The following SLC8A3 variants were observed in gnomAD, a reference collection of about 807,000 sequenced individuals.
SLC8A3 encodes the protein solute carrier family 8 member A3, also known as sodium/calcium exchanger 3.
In SLC8A3, 37 loss-of-function variants were observed where a neutral mutation model predicts 65.4. That is an observed-to-expected ratio of 0.57 (90% CI 0.44 to 0.74). SLC8A3 has a LOEUF of 0.74. Among genes scored for constraint, SLC8A3 ranks in the 30% least tolerant of loss-of-function variants. The pLI, the probability that SLC8A3 is intolerant of heterozygous loss-of-function variation, is 0.00. For missense variants in SLC8A3, 1,112 were observed against 1,172.1 expected, an observed-to-expected ratio of 0.95 and a Z score of 0.75; for synonymous variants, 461 against 444.5, an observed-to-expected ratio of 1.04 and a Z score of -0.47.
chr14:70,124,613 A>G (rs888537715), intron 2 of SLC8A3, among the ~76,000 whole-genome samples: 2 of 152,254 alleles, frequency 1.3e-5, no homozygotes, highest in Non-Finnish European at 2.9e-5. Context: ...TTGATTGCCT[A>G]TGCAATGAAG....
At chr14:70,109,886 T>C (rs987024451) in intron 2 of SLC8A3, among the ~76,000 whole-genome samples, 1 of 152,240 alleles carries the variant, frequency 6.6e-6, no homozygotes, top group South Asian at 2.1e-4. Flanking sequence ...ACTATACTTT[T>C]TGACAATTGT....
chr14:70,069,686 C>T (rs781175664), intron 2 of SLC8A3, among the ~76,000 whole-genome samples: 7 of 152,174 alleles, frequency 4.6e-5, no homozygotes, highest in Non-Finnish European at 7.3e-5. Context: ...TCACCAACAA[C>T]CCAACACTGA....
At chr14:70,087,580 C>T (rs1891523369) in intron 2 of SLC8A3, among the ~76,000 whole-genome samples, 1 of 152,146 alleles carries the variant, frequency 6.6e-6, no homozygotes, top group Non-Finnish European at 1.5e-5. Context: ...TAAGCAGTTA[C>T]TCTCCAACAA....
intron 2 of SLC8A3, among the ~76,000 whole-genome samples, chr14:70,149,767 C>G (rs886231272): frequency 4.6e-5 from 7 of 152,172 alleles, no homozygotes; most frequent in African/African-American, 1.7e-4. Context: ...CTTCTTCCTC[C>G]CACTTCTTTT....
intron 2 of SLC8A3, among the ~76,000 whole-genome samples, chr14:70,076,621 C>T (rs1021591264): frequency 2.6e-5 from 4 of 152,138 alleles, no homozygotes; most frequent in African/African-American, 4.8e-5. Flanking sequence ...TACTCCCTCC[C>T]GAGCACTATT....
Position 70,167,441 on chromosome 14 carries a change from G to C in SLC8A3, c.982C>G (p.Pro328Ala). The C allele has an allele frequency of 6.2e-7, 1 of 1,614,094 alleles. No homozygotes were observed. Among genetic ancestry groups the C allele is most frequent in the Non-Finnish European group, 8.5e-7 (1 of 1,180,016 alleles). The stretch of plus-strand genomic sequence containing the variant: ...ACCAGCTGATCTAAGTCCTTCTCTG[G>C]GTGTTTTTGCTTCAGATCCTTGAGA... ...RILKDLKQKH[P>A]EKDLDQLVEM... Residue 328 changes from proline (P) to alanine (A), a missense_variant, in exon 2 of 7, where the codon CCA becomes GCA. Transcript: ENST00000356921.
chr14:70,180,029 G>T (rs897153576), intron 1 of SLC8A3, among the ~76,000 whole-genome samples: 1 of 152,154 alleles, frequency 6.6e-6, no homozygotes, highest in African/African-American at 2.4e-5. Context: ...GTCAGGGCTG[G>T]AGTCAAAGGA....
intron 2 of SLC8A3, among the ~76,000 whole-genome samples, chr14:70,121,950 G>A (rs1330788033): frequency 6.6e-6 from 1 of 152,124 alleles, no homozygotes; most frequent in African/African-American, 2.4e-5. Context: ...CAGCTGGCAA[G>A]AAAAAGGGCC....
At chr14:70,160,824 T>C (rs1276954565) in intron 2 of SLC8A3, among the ~76,000 whole-genome samples, 1 of 150,712 alleles carries the variant, frequency 6.6e-6, no homozygotes, top group Non-Finnish European at 1.5e-5. Context: ...AGTTGGAATA[T>C]GTCATGCTTT....
At chr14:70,179,669 C>T (rs1237136178) in intron 1 of SLC8A3, among the ~76,000 whole-genome samples, 1 of 152,202 alleles carries the variant, frequency 6.6e-6, no homozygotes, top group South Asian at 2.1e-4. Context: ...GGCCCCTTCT[C>T]CCAGTCTTAG....
intron 1 of SLC8A3, among the ~76,000 whole-genome samples, chr14:70,186,562 C>A (rs1883235475): frequency 6.6e-6 from 1 of 152,226 alleles, no homozygotes; most frequent in South Asian, 2.1e-4. Flanking sequence ...GAAAGAACCA[C>A]TTCAACCAAG....
chr14:70,099,928 C>G (rs1329903228), intron 2 of SLC8A3, among the ~76,000 whole-genome samples: 3 of 152,170 alleles, frequency 2.0e-5, no homozygotes, highest in African/African-American at 4.8e-5. Flanking sequence ...CCATTATGCA[C>G]GAGACCTCCT....
chr14:70,054,442 A>T (rs980830798), intron 3 of SLC8A3, among the ~76,000 whole-genome samples: 1 of 151,956 alleles, frequency 6.6e-6, no homozygotes, highest in Non-Finnish European at 1.5e-5. Flanking sequence ...GCTTCTATTG[A>T]TGTTTGCAAA....
chr14:70,048,603 C>T, intron 6 of SLC8A3, 164 bp downstream of exon 6: 1 of 711,810 alleles, frequency 1.4e-6, no homozygotes, highest in Non-Finnish European at 2.5e-6. Flanking sequence ...GCTGTCATTA[C>T]TAATGTCATT....
At chr14:70,072,495 T>G (rs1890099896) in intron 2 of SLC8A3, among the ~76,000 whole-genome samples, 1 of 152,038 alleles carries the variant, frequency 6.6e-6, no homozygotes, top group Non-Finnish European at 1.5e-5. Context: ...TATTTTAAAA[T>G]CACAAAATTT....
chr14:70,144,611 CA>C (rs1401698758), intron 2 of SLC8A3, among the ~76,000 whole-genome samples: 1 of 140,742 alleles, frequency 7.1e-6, no homozygotes, highest in East Asian at 2.1e-4. Flanking sequence ...GCCTGGGCAA[CA>C]GAGCGAGACT....
intron 2 of SLC8A3, among the ~76,000 whole-genome samples, chr14:70,067,185 G>T (rs894998045): frequency 6.6e-6 from 1 of 152,146 alleles, no homozygotes; most frequent in Non-Finnish European, 1.5e-5. Flanking sequence ...TGCCTGGGAC[G>T]CTCTTCACCG....
At position 70,051,976 on chromosome 14, in the gene SLC8A3, A is replaced by G; in HGVS notation, c.2013+14T>C. The G allele has an allele frequency of 6.2e-7, 1 of 1,610,582 alleles. No individual in the cohort carries two copies. The highest frequency in any genetic ancestry group is 8.5e-7 in the Non-Finnish European group (1 of 1,177,466). ...TTTATTTATTATTCAATTAGACCTC[A>G]CTGTTTGCCTGACCTTGAACTCATA... is the stretch of plus-strand genomic sequence containing the variant. On this transcript the variant is annotated intron_variant, in intron 4 of 6. Coordinates refer to ENST00000356921, the MANE Select transcript of SLC8A3 (RefSeq NM_182932.3).
intron 2 of SLC8A3, among the ~76,000 whole-genome samples, chr14:70,136,975 G>T (rs976057649): frequency 4.6e-5 from 7 of 152,188 alleles, no homozygotes; most frequent in African/African-American, 1.7e-4. Context: ...AATGAAGAAA[G>T]CTAGCAGTCT....
Sources: gnomAD v4.1 joint callset for allele counts (sites outside exome capture counted in the v4.1 genomes callset) on GRCh38, gnomAD v4.1.1 for gene constraint, MANE v1.5 for transcripts, NCBI Gene and HGNC (gene_info 2026-07-23, HGNC 2026-07-21) for gene names.